LPAR1: variants seen among roughly 807,000 people sequenced by gnomAD.
The protein encoded by LPAR1 is LPA receptor 1.
In LPAR1, 5 loss-of-function variants were observed where a neutral mutation model predicts 23.8. That is an observed-to-expected ratio of 0.21 (90% CI 0.11 to 0.44). The LOEUF (loss-of-function observed/expected upper bound fraction) is 0.44, where lower values mean the gene tolerates loss of function less well. Among genes scored for constraint, LPAR1 ranks in the 20% least tolerant of loss-of-function variants. The pLI, the probability that LPAR1 is intolerant of heterozygous loss-of-function variation, is 0.99. For synonymous variants in LPAR1, 160 were observed against 164.7 expected (o/e 0.97, Z 0.22); for missense variants, 311 against 482.8 (o/e 0.64, Z 3.33).
chr9:110,895,274 C>T (rs1172841243), intron 5 of LPAR1, among the ~76,000 whole-genome samples: 1 of 152,146 alleles, frequency 6.6e-6, no homozygotes, highest in Non-Finnish European at 1.5e-5. Context: ...GTACTGGACG[C>T]CCCACTCTGA....
intron 2 of LPAR1, among the ~76,000 whole-genome samples, chr9:111,019,335 A>G (rs564840474): frequency 6.6e-6 from 1 of 152,142 alleles, no homozygotes; most frequent in East Asian, 1.9e-4. Flanking sequence ...AAAAGATAAT[A>G]AACAGTATTT....
In LPAR1 at chr9:111,023,053, C is replaced by CAAA. The variant is rs35394780; in HGVS notation, c.-182+13066_-182+13068dup. Among the ~76,000 whole-genome samples, 452 of 56,048 alleles carry CAAA rather than the reference C, an allele frequency of 8.1e-3. 1 individual carries two copies. Among genetic ancestry groups the CAAA allele is most frequent in the East Asian group, 0.03 (36 of 1,186 alleles). 36.8% of individuals were successfully genotyped at this position (56,048 alleles called of 152,430 possible). A position where few individuals can be genotyped will look rare whatever the true frequency, so the allele number is the denominator to read the frequency against. ...GTGACACAGCAAGACTCCGTCTCAA[C>CAAA]AAAAAAAAAAAAAAAAAAAAAAAAC... On this transcript the variant is annotated intron_variant, in intron 2 of 5. Transcript: ENST00000683809.
At chr9:110,975,964 A>C (rs1370445181) in intron 2 of LPAR1, among the ~76,000 whole-genome samples, 1 of 152,240 alleles carries the variant, frequency 6.6e-6, no homozygotes, top group Non-Finnish European at 1.5e-5. Context: ...GGTATAAATC[A>C]GTTTTCCCTT....
intron 2 of LPAR1, among the ~76,000 whole-genome samples, chr9:111,012,282 A>G (rs889821796): frequency 2.0e-5 from 3 of 152,118 alleles, no homozygotes; most frequent in Non-Finnish European, 4.4e-5. Flanking sequence ...AAAAATGCAG[A>G]GTCCTGGATC....
intron 2 of LPAR1, among the ~76,000 whole-genome samples, chr9:111,014,396 C>T (rs1025970519): frequency 6.6e-6 from 1 of 152,146 alleles, no homozygotes; most frequent in Non-Finnish European, 1.5e-5. Flanking sequence ...GCACATCCAT[C>T]ATGGAGAAGT....
intron 2 of LPAR1, among the ~76,000 whole-genome samples, chr9:110,974,122 G>A (rs889508203): frequency 6.6e-6 from 1 of 151,564 alleles, no homozygotes; most frequent in Non-Finnish European, 1.5e-5. Flanking sequence ...TCGTGCCACT[G>A]CACTCCAGCC....
At chr9:110,879,417 CAAA>C (rs71371692) in intron 5 of LPAR1, among the ~76,000 whole-genome samples, 1,406 of 47,012 alleles carry the variant, frequency 0.03, 11 homozygotes, top group East Asian at 0.099. Context: ...GACTCCATCT[CAAA>C]AAAAAAAAAA....
intron 5 of LPAR1, among the ~76,000 whole-genome samples, chr9:110,931,485 A>C (rs998344060): frequency 5.9e-5 from 9 of 152,174 alleles, no homozygotes; most frequent in Admixed American, 4.6e-4. Flanking sequence ...TTGCAAAAAA[A>C]ATTCTGATGG....
chr9:110,949,354 A>G (rs977910442), intron 4 of LPAR1, among the ~76,000 whole-genome samples: 4 of 152,236 alleles, frequency 2.6e-5, no homozygotes, highest in African/African-American at 9.6e-5. Context: ...ATAATAAATG[A>G]TTAAAGACAA....
At chr9:110,879,926 G>C (rs2132443962) in intron 5 of LPAR1, among the ~76,000 whole-genome samples, 1 of 152,228 alleles carries the variant, frequency 6.6e-6, no homozygotes, top group African/African-American at 2.4e-5. Flanking sequence ...AATGTTTACT[G>C]GTGTTTTGTA....
intron 5 of LPAR1, among the ~76,000 whole-genome samples, chr9:110,908,675 G>A (rs2091850078): frequency 6.6e-6 from 1 of 152,120 alleles, no homozygotes; most frequent in Non-Finnish European, 1.5e-5. Context: ...GACTTCCTAG[G>A]AGGCCTTGAA....
intron 2 of LPAR1, among the ~76,000 whole-genome samples, chr9:110,994,434 T>C (rs190351006): frequency 5.8e-4 from 88 of 152,314 alleles, no homozygotes; most frequent in Non-Finnish European, 1.1e-3. Flanking sequence ...GATAATTAGA[T>C]GATAGTAAGA....
At chr9:111,005,463 A>G (rs2140323583) in intron 2 of LPAR1, among the ~76,000 whole-genome samples, 1 of 143,928 alleles carries the variant, frequency 6.9e-6, no homozygotes, top group South Asian at 2.3e-4. Flanking sequence ...TGAGAGAATT[A>G]CCTGAGCCCA....
chr9:110,915,740 G>C (rs2093016013), intron 5 of LPAR1, among the ~76,000 whole-genome samples: 2 of 152,082 alleles, frequency 1.3e-5, no homozygotes, highest in South Asian at 4.1e-4. Flanking sequence ...GAATTATGAA[G>C]ATGTAAATGG....
intron 5 of LPAR1, among the ~76,000 whole-genome samples, chr9:110,927,760 C>A (rs1305306568): frequency 6.6e-6 from 1 of 151,962 alleles, no homozygotes; most frequent in Admixed American, 6.6e-5. Context: ...TTAGTTACTG[C>A]AATTTGGTAT....
chr9:110,971,975 T>C (rs907027504), intron 4 of LPAR1, 98 bp downstream of exon 4: 38 of 1,010,940 alleles, frequency 3.8e-5, no homozygotes, highest in South Asian at 6.6e-5. Context: ...GAGAGAGATA[T>C]ACATGATCCC....
At chr9:110,959,170 C>CAAAAAAAAAAAAA (rs1186318362) in intron 4 of LPAR1, among the ~76,000 whole-genome samples, 2 of 81,176 alleles carry the variant, frequency 2.5e-5, no homozygotes, top group Non-Finnish European at 4.5e-5. Flanking sequence ...GATGTCTCTA[C>CAAAAAAAAAAAAA]AAAAAAAAAA....
chr9:111,019,604 G>A (rs1259174317), intron 2 of LPAR1, among the ~76,000 whole-genome samples: 1 of 152,058 alleles, frequency 6.6e-6, no homozygotes, highest in African/African-American at 2.4e-5. Flanking sequence ...TTGGGAGGCC[G>A]AGGCGGGCAG....
At chr9:110,885,660 AC>A (rs1472562229) in intron 5 of LPAR1, among the ~76,000 whole-genome samples, 2 of 152,234 alleles carry the variant, frequency 1.3e-5, no homozygotes, top group Non-Finnish European at 2.9e-5. Context: ...TCGCAATCAA[AC>A]AATACAGTCT....
Sources: gnomAD v4.1 joint callset for allele counts (sites outside exome capture counted in the v4.1 genomes callset) on GRCh38, gnomAD v4.1.1 for gene constraint, MANE v1.5 for transcripts, NCBI Gene and HGNC (gene_info 2026-07-23, HGNC 2026-07-21) for gene names.